The following SARS2 variants were observed in gnomAD, a reference collection of about 807,000 sequenced individuals.
SARS2 encodes the protein serine--tRNA ligase, mitochondrial.
Under a neutral mutation model 66.8 loss-of-function variants are expected in SARS2, and 52 were observed. That is an observed-to-expected ratio of 0.78 (90% CI 0.62 to 0.98). The LOEUF (loss-of-function observed/expected upper bound fraction) is 0.98, where lower values mean the gene tolerates loss of function less well. Among genes scored for constraint, SARS2 ranks in the 50% least tolerant of loss-of-function variants. SARS2 has a pLI of 0.00. For synonymous variants in SARS2, 306 were observed against 281.4 expected (o/e 1.09, Z -0.87); for missense variants, 673 against 706.3 (o/e 0.95, Z 0.53).
At chr19:38,920,844 GACAC>G (rs201382407) in intron 5 of SARS2, among the ~76,000 whole-genome samples, 7 of 149,324 alleles carry the variant, frequency 4.7e-5, no homozygotes, top group African/African-American at 1.7e-4. Flanking sequence ...CACAGAGAAA[GACAC>G]ACAGATACAT....
chr19:38,917,771 G>C lies in SARS2; in HGVS notation c.1113C>G (p.Phe371Leu). ...TCAAGATCTCCATCTGAAGGGACAG[G>C]AACTCCTCCAGCAGCTGTGAGCTCT... Reference protein sequence around the residue: ...LEQSSQLLEEFLSLQMEILTE... With the variant: ...LEQSSQLLEELLSLQMEILTE... Residue 371 changes from phenylalanine (F) to leucine (L), a missense_variant, in exon 12 of 16, where the codon TTC becomes TTG. Phe to Leu is a conservative substitution (Grantham distance 22). Coordinates refer to ENST00000221431, the MANE Select transcript of SARS2 (RefSeq NM_017827.4). 1 of 1,614,114 alleles carries C rather than the reference G, an allele frequency of 6.2e-7. No individual in the cohort carries two copies. The highest frequency in any genetic ancestry group is 8.5e-7 in the Non-Finnish European group (1 of 1,179,992).
intron 3 of SARS2, 183 bp from the exon 4 acceptor site, chr19:38,921,850 A>C (rs985173136): frequency 1.5e-6 from 2 of 1,326,678 alleles, no homozygotes; most frequent in Non-Finnish European, 2.1e-6. Flanking sequence ...GGGGAAAAGA[A>C]TCAGGCCTGG....
chr19:38,926,370 G>A (rs1003805340), intron 1 of SARS2, 70 bp from the exon 2 acceptor site: 25 of 1,453,134 alleles, frequency 1.7e-5, no homozygotes, highest in Non-Finnish European at 2.2e-5. Flanking sequence ...GAGCCCACTG[G>A]CCACCTGGAC....
chr19:38,921,340 G>C (rs977013618), intron 5 of SARS2, 52 bp downstream of exon 5: 51 of 1,598,668 alleles, frequency 3.2e-5, no homozygotes, highest in Non-Finnish European at 4.0e-5. Flanking sequence ...CGAGACCCCA[G>C]AACCCCCACA....
At position 38,922,151 on chromosome 19, in the gene SARS2, T is replaced by C. The variant is rs772326231; in HGVS notation, c.393+87A>G. The C allele has an allele frequency of 5.4e-4, 868 of 1,602,886 alleles. 2 individuals carry two copies. The highest frequency in any genetic ancestry group is 2.0e-3 in the Admixed American group (117 of 59,980). ...TCCCCTTAAACCTGTTTGAGTTGTT[T>C]TCTGTTACAATAGTAGAATCGTGAC... On this transcript the variant is annotated intron_variant, in intron 3 of 15. Coordinates refer to ENST00000221431, the MANE Select transcript of SARS2 (RefSeq NM_017827.4).
At position 38,915,448 on chromosome 19, in the gene SARS2, AGAG is replaced by A. The variant is rs745940434; in HGVS notation, c.*155_*157del. The A allele has an allele frequency of 2.3e-4, 173 of 742,510 alleles. No homozygotes were observed. The highest frequency in any genetic ancestry group is 3.6e-4 in the Non-Finnish European group (161 of 448,558). 46.0% of individuals were successfully genotyped at this position (742,510 alleles called of 1,614,324 possible). On this transcript the variant is annotated 3_prime_UTR_variant, in exon 16 of 16. Coordinates refer to ENST00000221431, the MANE Select transcript of SARS2 (RefSeq NM_017827.4). ...TGACTGACTCTGAGGCAGCAAGGACAGAGGAGAGGTGGACCCCGTGGTCCAGGG... is the reference window on the plus strand; with the variant it reads ...TGACTGACTCTGAGGCAGCAAGGACAGAGAGGTGGACCCCGTGGTCCAGGG...
intron 2 of SARS2, among the ~76,000 whole-genome samples, chr19:38,922,598 T>C (rs930111061): frequency 6.6e-6 from 1 of 152,180 alleles, no homozygotes; most frequent in African/African-American, 2.4e-5. Flanking sequence ...ATGGTTTGGC[T>C]GTGTCTCCAC....
At chr19:38,930,082 C>T (rs2063407151) in intron 1 of SARS2, 1 of 209,098 alleles carries the variant, frequency 4.8e-6, no homozygotes, top group Non-Finnish European at 9.8e-6. Flanking sequence ...CGCAAGAGCT[C>T]CACCACACCC....
At chr19:38,915,971 G>A (rs1974406532) in intron 14 of SARS2, 65 bp from the exon 15 acceptor site, 1 of 1,612,426 alleles carries the variant, frequency 6.2e-7, no homozygotes, top group African/African-American at 1.3e-5. Flanking sequence ...GAGCCAAGGT[G>A]GGTGGGTCTA....
intron 9 of SARS2, 79 bp downstream of exon 9, chr19:38,918,343 C>A: frequency 7.3e-7 from 1 of 1,367,694 alleles, no homozygotes; most frequent in South Asian, 1.2e-5. Flanking sequence ...CAGGTGATCC[C>A]CCCCAGTGCT....
rs746410668 is a variant in SARS2, at chr19:38,930,530, C to T, written c.207G>A (p.Glu69=). ...TGCGGAGCTCCAGGGCGTGTGCGGC[C>T]TCTTCTGGGCATGCGCAGAACCGCT... ...DIERFCACPE[E]AAHALELRKG... Residue 69 remains glutamate, a synonymous_variant, in exon 1 of 16, where the codon GAG becomes GAA. Coordinates refer to ENST00000221431, the MANE Select transcript of SARS2 (RefSeq NM_017827.4). 3.7e-6 allele frequency: 6 copies of T among 1,613,288 alleles called. No homozygotes were observed. In the South Asian group the frequency reaches 6.6e-5, roughly 18 times the overall value.
chr19:38,916,004 G>C lies in SARS2; in HGVS notation c.1347+33C>G, dbSNP rs774856095. 10 of 1,612,232 alleles carry C rather than the reference G, an allele frequency of 6.2e-6. No homozygotes were observed. In the East Asian group the frequency reaches 2.2e-4, roughly 36 times the overall value. On this transcript the variant is annotated intron_variant, in intron 14 of 15. Transcript: ENST00000221431. ...CTAGGGCGGCAGAGGCTGCGGGCGAGGGCACGCGGGCAGGAGGCTGTGCGG... is the reference window on the plus strand; with the variant it reads ...CTAGGGCGGCAGAGGCTGCGGGCGACGGCACGCGGGCAGGAGGCTGTGCGG...
intron 9 of SARS2, 110 bp downstream of exon 9, chr19:38,918,312 G>A: frequency 8.4e-7 from 1 of 1,195,860 alleles, no homozygotes; most frequent in South Asian, 1.3e-5. Context: ...GTTGGCCCTG[G>A]GGCTGCTGAG....
chr19:38,930,229 A>T, intron 1 of SARS2: 4 of 553,392 alleles, frequency 7.2e-6, no homozygotes, highest in Non-Finnish European at 1.3e-5. Flanking sequence ...CCCAGCGAGC[A>T]GTATGAAACA....
intron 9 of SARS2, 74 bp downstream of exon 9, chr19:38,918,348 A>C: frequency 7.2e-7 from 1 of 1,395,360 alleles, no homozygotes; most frequent in Non-Finnish European, 1.0e-6. Context: ...GATCCCCCCC[A>C]GTGCTCCCTG....
At position 38,915,571 on chromosome 19, in the gene SARS2, C is replaced by T; in HGVS notation, c.*35G>A. 1 of 1,607,650 alleles carries T rather than the reference C, an allele frequency of 6.2e-7. No individual in the cohort carries two copies. The highest frequency in any genetic ancestry group is 8.5e-7 in the Non-Finnish European group (1 of 1,179,248). ...CCGGGGTCTCCTGAACTCCAGGAAGCAGTGACACCCCCGAGGGCTGCTGTG... is the reference window on the plus strand; with the variant it reads ...CCGGGGTCTCCTGAACTCCAGGAAGTAGTGACACCCCCGAGGGCTGCTGTG... On this transcript the variant is annotated 3_prime_UTR_variant, in exon 16 of 16. Transcript: ENST00000221431.
intron 2 of SARS2, among the ~76,000 whole-genome samples, chr19:38,925,068 C>T (rs1974604820): frequency 6.6e-6 from 1 of 152,236 alleles, no homozygotes; most frequent in South Asian, 2.1e-4. Flanking sequence ...AAGCCCAGCA[C>T]TTTGGGAGGC....
chr19:38,929,885 C>T (rs1377425217), intron 1 of SARS2, among the ~76,000 whole-genome samples: 1 of 152,208 alleles, frequency 6.6e-6, no homozygotes, highest in Non-Finnish European at 1.5e-5. Flanking sequence ...TTTATAAGTG[C>T]TAGCAATTTT....
At position 38,915,485 on chromosome 19, in the gene SARS2, G is replaced by A. The variant is rs1243461470; in HGVS notation, c.*121C>T. 6 of 1,229,586 alleles carry A rather than the reference G, an allele frequency of 4.9e-6. No individual in the cohort carries two copies. The highest frequency in any genetic ancestry group is 2.6e-5 in the South Asian group (2 of 75,726). The allele number at this position is 1,229,586 out of a possible 1,614,324, so 76.2% of individuals were successfully genotyped here. The stretch of plus-strand genomic sequence containing the variant: ...GACCCCGTGGTCCAGGGGCCCGGGC[G>A]TGGAGCTGACAGGAAGAACACAGAT... On this transcript the variant is annotated 3_prime_UTR_variant, in exon 16 of 16. Transcript: ENST00000221431.
Sources: gnomAD v4.1 joint callset for allele counts (sites outside exome capture counted in the v4.1 genomes callset) on GRCh38, gnomAD v4.1.1 for gene constraint, MANE v1.5 for transcripts, NCBI Gene and HGNC (gene_info 2026-07-23, HGNC 2026-07-21) for gene names.